The following AMBRA1 variants were observed in gnomAD, a reference collection of about 807,000 sequenced individuals.
AMBRA1 encodes autophagy and beclin 1 regulator 1, also known as activating molecule in BECN1-regulated autophagy protein 1.
Under a neutral mutation model 125.4 loss-of-function variants are expected in AMBRA1, and 47 were observed. The observed-to-expected ratio is 0.37, with a 90% CI of 0.30 to 0.48. AMBRA1 has a LOEUF of 0.48. AMBRA1 is among the 20% of genes least tolerant of loss of function. The pLI is 0.99. For synonymous variants in AMBRA1, 626 were observed against 655.5 expected (o/e 0.95, Z 0.69); for missense variants, 1,331 against 1,693.4 (o/e 0.79, Z 3.76).
In AMBRA1 at chr11:46,493,596, A is replaced by C; in HGVS notation, c.2521+12T>G. The C allele has an allele frequency of 1.9e-6, 3 of 1,600,106 alleles. No individual in the cohort carries two copies. Among genetic ancestry groups the C allele is most frequent in the Non-Finnish European group, 2.6e-6 (3 of 1,174,582 alleles). On this transcript the variant is annotated intron_variant, in intron 11 of 17. Transcript: ENST00000683756. ...CTTCACATTTTCAAAAGCCAAAGAAACATTTCCTTACCTGCCAGGACCCTG... is the reference window on the plus strand; with the variant it reads ...CTTCACATTTTCAAAAGCCAAAGAACCATTTCCTTACCTGCCAGGACCCTG...
At chr11:46,457,495 G>A (rs184264236) in intron 11 of AMBRA1, among the ~76,000 whole-genome samples, 1 of 152,340 alleles carries the variant, frequency 6.6e-6, no homozygotes, top group Admixed American at 6.5e-5. Context: ...GAGATTTGTG[G>A]CATCAAGATA....
intron 9 of AMBRA1, among the ~76,000 whole-genome samples, chr11:46,497,679 C>T (rs1421664074): frequency 6.6e-6 from 1 of 152,116 alleles, no homozygotes; most frequent in Non-Finnish European, 1.5e-5. Context: ...CCTTGAATAC[C>T]GGAATGGGTA....
chr11:46,455,680 G>A (rs1948819451), intron 11 of AMBRA1, among the ~76,000 whole-genome samples: 1 of 152,228 alleles, frequency 6.6e-6, no homozygotes, highest in African/African-American at 2.4e-5. Flanking sequence ...AAAGCATACA[G>A]CTTCCATAAG....
At chr11:46,404,469 G>C (rs554548689) in intron 17 of AMBRA1, among the ~76,000 whole-genome samples, 2 of 152,338 alleles carry the variant, frequency 1.3e-5, no homozygotes, top group East Asian at 3.9e-4. Context: ...TGCCCTAGGA[G>C]GGACAAGGCT....
chr11:46,513,603 A>G (rs1951359966), intron 7 of AMBRA1, among the ~76,000 whole-genome samples: 1 of 152,170 alleles, frequency 6.6e-6, no homozygotes, highest in African/African-American at 2.4e-5. Flanking sequence ...CTATTAAGAG[A>G]TAGTAACAGG....
intron 7 of AMBRA1, among the ~76,000 whole-genome samples, chr11:46,527,116 G>A (rs889418095): frequency 1.3e-5 from 2 of 152,030 alleles, no homozygotes; most frequent in Non-Finnish European, 2.9e-5. Flanking sequence ...GCCCTGGGTG[G>A]CTCCCTTTCA....
intron 11 of AMBRA1, among the ~76,000 whole-genome samples, chr11:46,447,743 GATA>G (rs1948371925): frequency 1.3e-5 from 2 of 150,900 alleles, no homozygotes; most frequent in African/African-American, 4.9e-5. Context: ...TAGATAGATA[GATA>G]GATAGATAGA....
intron 11 of AMBRA1, among the ~76,000 whole-genome samples, chr11:46,485,424 G>T (rs1255251094): frequency 6.6e-6 from 1 of 152,186 alleles, no homozygotes; most frequent in Non-Finnish European, 1.5e-5. Context: ...GAAAGTCCTT[G>T]ATCCAAGCCC....
At chr11:46,533,450 A>T (rs1952311766) in intron 7 of AMBRA1, among the ~76,000 whole-genome samples, 1 of 152,204 alleles carries the variant, frequency 6.6e-6, no homozygotes, top group Non-Finnish European at 1.5e-5. Context: ...TCACAGTTCG[A>T]TAACACGCCT....
chr11:46,589,754 G>T (rs1219484488), intron 1 of AMBRA1, among the ~76,000 whole-genome samples: 2 of 151,340 alleles, frequency 1.3e-5, no homozygotes, highest in Non-Finnish European at 1.5e-5. Context: ...CAAGTAACTG[G>T]GACTACAGGC....
At chr11:46,535,414 G>A (rs1158015294) in intron 7 of AMBRA1, among the ~76,000 whole-genome samples, 1 of 152,170 alleles carries the variant, frequency 6.6e-6, no homozygotes, top group Non-Finnish European at 1.5e-5. Context: ...TCACTCTCAT[G>A]ATGCTCAGAC....
In AMBRA1 at chr11:46,547,095, T is replaced by A; in HGVS notation, c.378+18A>T. The A allele has an allele frequency of 6.4e-7, 1 of 1,574,574 alleles. No homozygotes were observed. Among genetic ancestry groups the A allele is most frequent in the Non-Finnish European group, 8.6e-7 (1 of 1,164,842 alleles). The stretch of plus-strand genomic sequence containing the variant: ...ATTAGAACACCAAAAGAAAAGGGTA[T>A]CTTAAGGAAATACTCACGTGTAAAT... On this transcript the variant is annotated intron_variant, in intron 4 of 17. Transcript: ENST00000683756.
In AMBRA1 at chr11:46,548,370, A is replaced by G; in HGVS notation, c.11T>C (p.Val4Ala). 1 of 1,613,916 alleles carries G rather than the reference A, an allele frequency of 6.2e-7. No individual in the cohort carries two copies. The highest frequency in any genetic ancestry group is 1.1e-5 in the South Asian group (1 of 91,086). Residue 4 changes from valine to alanine, a missense_variant, in exon 2 of 18, where the codon GTC becomes GCC. By Grantham distance (64) the Val-to-Ala change is moderately conservative. Coordinates refer to ENST00000683756, the MANE Select transcript of AMBRA1 (RefSeq NM_001387011.1). MKV[V>A]PEKNAVRILW... The stretch of plus-strand genomic sequence containing the variant: ...TATCCGGACAGCATTCTTTTCTGGG[A>G]CAACCTTCATGGCGCTCAGTAGCCA...
At chr11:46,418,294 AAT>A (rs1262271323) in intron 14 of AMBRA1, among the ~76,000 whole-genome samples, 3 of 140,190 alleles carry the variant, frequency 2.1e-5, no homozygotes, top group African/African-American at 5.2e-5. Flanking sequence ...TTTATATATA[AAT>A]ATATAATATA....
chr11:46,572,178 G>A (rs2043789683), intron 1 of AMBRA1, among the ~76,000 whole-genome samples: 1 of 152,106 alleles, frequency 6.6e-6, no homozygotes, highest in South Asian at 2.1e-4. Context: ...GCGCCAGCCT[G>A]TAATCCCAGC....
At chr11:46,460,724 G>A (rs999300125) in intron 11 of AMBRA1, among the ~76,000 whole-genome samples, 1 of 152,218 alleles carries the variant, frequency 6.6e-6, no homozygotes, top group Non-Finnish European at 1.5e-5. Context: ...GCAGATGCCT[G>A]TGAAGTGGTA....
chr11:46,429,222 C>T, intron 14 of AMBRA1: 1 of 1,258,866 alleles, frequency 7.9e-7, no homozygotes, highest in Non-Finnish European at 1.1e-6. Context: ...TACCAGCGGC[C>T]CCCTACCCCA....
chr11:46,537,363 T>C (rs1230627838), intron 7 of AMBRA1, among the ~76,000 whole-genome samples: 1 of 152,200 alleles, frequency 6.6e-6, no homozygotes, highest in Non-Finnish European at 1.5e-5. Flanking sequence ...CACTTTTGCT[T>C]ACAAACACCT....
At chr11:46,578,270 T>C (rs1030435208) in intron 1 of AMBRA1, among the ~76,000 whole-genome samples, 1 of 151,854 alleles carries the variant, frequency 6.6e-6, no homozygotes, top group Non-Finnish European at 1.5e-5. Context: ...GTGGATCACC[T>C]GAGCTCAGGA....
Sources: allele counts gnomAD v4.1 joint callset (sites outside exome capture counted in the v4.1 genomes callset), GRCh38; gene constraint gnomAD v4.1.1; transcripts MANE v1.5; gene names NCBI Gene and HGNC (gene_info 2026-07-23, HGNC 2026-07-21).